ENTPD7: variants seen among roughly 807,000 people sequenced by gnomAD.
ENTPD7 encodes ectonucleoside triphosphate diphosphohydrolase 7.
In ENTPD7, 53 loss-of-function variants were observed where a neutral mutation model predicts 77.9. The ratio of observed to expected loss-of-function variants is 0.68; its 90% CI spans 0.55 to 0.85. The LOEUF is 0.85. Ranked by LOEUF, ENTPD7 falls within the 40% of genes least tolerant of loss-of-function variation. ENTPD7 has a pLI of 0.00. For missense variants in ENTPD7, 636 were observed against 743.7 expected, an observed-to-expected ratio of 0.86 and a Z score of 1.68; for synonymous variants, 248 against 274.9, an observed-to-expected ratio of 0.90 and a Z score of 0.97.
At chr10:99,685,184 G>A (rs1192330130) in intron 5 of ENTPD7, among the ~76,000 whole-genome samples, 2 of 152,210 alleles carry the variant, frequency 1.3e-5, no homozygotes, top group Admixed American at 6.5e-5. Flanking sequence ...TTGAACCTGG[G>A]AGGCAGAGGT....
At chr10:99,700,094 CCT>C (rs2036081018) in intron 10 of ENTPD7, among the ~76,000 whole-genome samples, 1 of 152,154 alleles carries the variant, frequency 6.6e-6, no homozygotes, top group Non-Finnish European at 1.5e-5. Context: ...CTTCACGCTC[CCT>C]GTTTTTCTGG....
intron 10 of ENTPD7, among the ~76,000 whole-genome samples, chr10:99,699,504 CTT>C (rs956582395): frequency 2.0e-5 from 3 of 152,324 alleles, no homozygotes; most frequent in Admixed American, 6.5e-5. Context: ...AGGGCCATCT[CTT>C]TGAATTGTTG....
rs1294535366 is a variant in ENTPD7, at chr10:99,698,517, T to G, written c.1011-17T>G. On this transcript the variant is annotated splice_polypyrimidine_tract_variant and intron_variant, in intron 9 of 12. Coordinates refer to ENST00000370489, the MANE Select transcript of ENTPD7 (RefSeq NM_020354.5). ...ATGACGTGTTTGTTTGTTTGTTTGT[T>G]TTTGTCATTGTGGCAGATTGCTTGG... 3 of 1,608,938 alleles carry G rather than the reference T, an allele frequency of 1.9e-6. No homozygotes were observed. The African/African-American group carries it at 4.0e-5, about 22-fold the overall frequency.
At chr10:99,669,744 T>TG (rs1348283110) in intron 3 of ENTPD7, among the ~76,000 whole-genome samples, 1 of 120,368 alleles carries the variant, frequency 8.3e-6, no homozygotes, top group Non-Finnish European at 1.8e-5. Context: ...TGTGTGGTTT[T>TG]TTTTTTTTTT....
chr10:99,702,420 A>G, intron 11 of ENTPD7, 92 bp from the exon 12 acceptor site: 2 of 1,155,130 alleles, frequency 1.7e-6, no homozygotes, highest in Non-Finnish European at 2.4e-6. Flanking sequence ...AGGTCTTTTA[A>G]TAACTTGTGG....
At position 99,709,019 on chromosome 10, in the gene ENTPD7, G is replaced by C. The variant is rs979975478; in HGVS notation, c.*4336G>C. ...TGAAAAAAATACTTTGTCAGAAATA[G>C]TGCCAAGTTTTCACTACATCTATTC... On this transcript the variant is annotated 3_prime_UTR_variant, in exon 13 of 13. Transcript: ENST00000370489. 2.0e-5 allele frequency: 20 copies of C among 984,816 alleles called. No homozygotes were observed. The highest frequency in any genetic ancestry group is 3.5e-5 in the African/African-American group (2 of 57,184). 61.0% of individuals were successfully genotyped at this position (984,816 alleles called of 1,614,324 possible). A position where few individuals can be genotyped will look rare whatever the true frequency, so the allele number is the denominator to read the frequency against.
At chr10:99,702,417 T>C (rs2036156812) in intron 11 of ENTPD7, 95 bp from the exon 12 acceptor site, 2 of 1,126,722 alleles carry the variant, frequency 1.8e-6, no homozygotes, top group Admixed American at 3.0e-5. Context: ...GGTAGGTCTT[T>C]TAATAACTTG....
chr10:99,700,912 G>A, intron 10 of ENTPD7, 61 bp from the exon 11 acceptor site: 1 of 1,338,868 alleles, frequency 7.5e-7, no homozygotes, highest in South Asian at 1.2e-5. Context: ...CTGTGACTGT[G>A]GGGAAGGTAG....
chr10:99,682,556 G>A (rs1448633762), intron 5 of ENTPD7, among the ~76,000 whole-genome samples: 1 of 152,072 alleles, frequency 6.6e-6, no homozygotes, highest in Non-Finnish European at 1.5e-5. Flanking sequence ...AACTCCTTAA[G>A]GGAAATCTTA....
intron 3 of ENTPD7, among the ~76,000 whole-genome samples, chr10:99,667,906 A>G (rs2035570081): frequency 6.9e-6 from 1 of 144,180 alleles, no homozygotes; most frequent in Admixed American, 7.0e-5. Flanking sequence ...TAGTCTAAAA[A>G]TTTATGTTAA....
intron 5 of ENTPD7, among the ~76,000 whole-genome samples, chr10:99,682,617 A>T (rs902870294): frequency 2.0e-5 from 3 of 152,218 alleles, no homozygotes; most frequent in African/African-American, 7.2e-5. Context: ...ACCCTATCAA[A>T]ACTGTTTCGT....
chr10:99,703,186 ACT>A (rs2036176787), intron 12 of ENTPD7, among the ~76,000 whole-genome samples: 1 of 151,986 alleles, frequency 6.6e-6, no homozygotes, highest in Non-Finnish European at 1.5e-5. Flanking sequence ...CTTTCATCAA[ACT>A]CTGGTAGCCT....
intron 5 of ENTPD7, among the ~76,000 whole-genome samples, chr10:99,685,398 T>A (rs1026425866): frequency 1.3e-5 from 2 of 152,226 alleles, no homozygotes; most frequent in Admixed American, 1.3e-4. Flanking sequence ...TAATTTAACA[T>A]CTTTGTTTTA....
chr10:99,660,553 CACA>C, intron 2 of ENTPD7: 1 of 289,564 alleles, frequency 3.5e-6, no homozygotes. Context: ...CACACACACA[CACA>C]CACACAGAGA....
chr10:99,688,884 C>A, intron 7 of ENTPD7, 134 bp downstream of exon 7: 1 of 794,778 alleles, frequency 1.3e-6, no homozygotes, highest in Non-Finnish European at 2.1e-6. Flanking sequence ...TTTTCCAGTC[C>A]TAATTTGCTT....
At position 99,711,143 on chromosome 10, in the gene ENTPD7, T is replaced by TTA; in HGVS notation, c.*6460_*6461insTA. On this transcript the variant is annotated 3_prime_UTR_variant, in exon 13 of 13. Transcript: ENST00000370489. ...TAATCATTCACCAGAAGCTCATAGA[T>TTA]ATAATACAGTTATATAGCTAAATGC... 2 of 985,142 alleles carry TTA rather than the reference T, an allele frequency of 2.0e-6. No homozygotes were observed. The highest frequency in any genetic ancestry group is 2.4e-6 in the Non-Finnish European group (2 of 829,748). 61.0% of individuals were successfully genotyped at this position (985,142 alleles called of 1,614,324 possible).
chr10:99,684,551 C>G (rs1174126785), intron 5 of ENTPD7, among the ~76,000 whole-genome samples: 1 of 152,154 alleles, frequency 6.6e-6, no homozygotes, highest in Non-Finnish European at 1.5e-5. Context: ...TTTTAAGAAA[C>G]TATACTTGAC....
In ENTPD7 at chr10:99,710,623, A is replaced by T. The variant is rs1448635490; in HGVS notation, c.*5940A>T. ...GAGGAAAATGTGTGATGCATGTTAG[A>T]GAGGTGATGCATTCTCCCTTATGCA... On this transcript the variant is annotated 3_prime_UTR_variant, in exon 13 of 13. Transcript: ENST00000370489. The T allele has an allele frequency of 6.1e-6, 6 of 985,300 alleles. No homozygotes were observed. In the East Asian group the frequency reaches 6.8e-4, roughly 112 times the overall value. 61.0% of individuals were successfully genotyped at this position (985,300 alleles called of 1,614,324 possible).
Position 99,690,459 on chromosome 10 carries a change from A to G in ENTPD7, c.710-926A>G, listed in dbSNP as rs76279910. Among the ~76,000 whole-genome samples the G allele has an allele frequency of 1.3e-3, 193 of 152,144 alleles. 1 individual carries two copies. The highest frequency in any genetic ancestry group is 4.6e-3 in the African/African-American group (189 of 41,504). ...TAATTTATTTGATTTTTATACCTAT[A>G]TCCTTTTTGTTCTGTTATGCTGAAT... On this transcript the variant is annotated intron_variant, in intron 7 of 12. Transcript: ENST00000370489.
Sources: allele counts gnomAD v4.1 joint callset (sites outside exome capture counted in the v4.1 genomes callset), GRCh38; gene constraint gnomAD v4.1.1; transcripts MANE v1.5; gene names NCBI Gene and HGNC (gene_info 2026-07-23, HGNC 2026-07-21).